The following PPP2R2B variants were observed in gnomAD, a reference collection of about 807,000 sequenced individuals.
PPP2R2B encodes serine/threonine-protein phosphatase 2A 55 kDa regulatory subunit B beta isoform.
In PPP2R2B, 5 loss-of-function variants were observed where a neutral mutation model predicts 46.0. The ratio of observed to expected loss-of-function variants is 0.11; its 90% CI spans 0.06 to 0.23. The LOEUF is 0.23. Ranked by LOEUF, PPP2R2B falls within the 10% of genes least tolerant of loss-of-function variation. PPP2R2B has a pLI of 1.00. For synonymous variants in PPP2R2B, 215 were observed against 206.7 expected, an observed-to-expected ratio of 1.04 and a Z score of -0.34; for missense variants, 367 against 575.0, an observed-to-expected ratio of 0.64 and a Z score of 3.70.
At position 146,673,892 on chromosome 5, in the gene PPP2R2B, C is replaced by G. The variant is rs116403349; in HGVS notation, c.447+17236G>C. On this transcript the variant is annotated intron_variant, in intron 5 of 9. Coordinates refer to ENST00000394411, the MANE Select transcript of PPP2R2B (RefSeq NM_181675.4). ...TTCATCATCATCTTATCTGCACTTG[C>G]AGTTTCCCATTCTCAGGGGAATTTT... Among the ~76,000 whole-genome samples, 652 of 152,258 alleles carry G rather than the reference C, an allele frequency of 4.3e-3. 6 individuals carry two copies. The highest frequency in any genetic ancestry group is 0.015 in the African/African-American group (631 of 41,520).
chr5:147,055,460 A>T (rs186208224), intron 1 of PPP2R2B, among the ~76,000 whole-genome samples: 1 of 152,366 alleles, frequency 6.6e-6, no homozygotes, highest in Admixed American at 6.5e-5. Flanking sequence ...CTGCAACATT[A>T]TTCTGTTCTT....
intron 1 of PPP2R2B, among the ~76,000 whole-genome samples, chr5:146,968,846 T>C (rs1272248766): frequency 1.3e-5 from 2 of 152,234 alleles, no homozygotes; most frequent in East Asian, 3.8e-4. Flanking sequence ...ATGTATATCA[T>C]CTCAAAAGTA....
chr5:147,035,615 G>C (rs1756001124), intron 1 of PPP2R2B, among the ~76,000 whole-genome samples: 1 of 152,078 alleles, frequency 6.6e-6, no homozygotes, highest in East Asian at 1.9e-4. Flanking sequence ...TATTTATTCT[G>C]TTATCCAAGA....
chr5:147,030,273 C>A (rs1296353298), intron 1 of PPP2R2B, among the ~76,000 whole-genome samples: 1 of 152,120 alleles, frequency 6.6e-6, no homozygotes, highest in Non-Finnish European at 1.5e-5. Context: ...CCCCCCAAAT[C>A]ATTTTAAATG....
At chr5:146,597,993 T>TATCA (rs1561755357) in intron 8 of PPP2R2B, among the ~76,000 whole-genome samples, 1 of 152,236 alleles carries the variant, frequency 6.6e-6, no homozygotes, top group East Asian at 1.9e-4. Context: ...GGCTTATTCC[T>TATCA]ATCAGCAGAA....
At chr5:146,597,555 CT>C (rs1340275349) in intron 8 of PPP2R2B, among the ~76,000 whole-genome samples, 2 of 152,198 alleles carry the variant, frequency 1.3e-5, no homozygotes, top group Non-Finnish European at 2.9e-5. Flanking sequence ...AACTCCATCA[CT>C]GGTTAAATCT....
intron 7 of PPP2R2B, among the ~76,000 whole-genome samples, chr5:146,628,597 G>C (rs922040547): frequency 2.0e-5 from 3 of 152,182 alleles, no homozygotes; most frequent in African/African-American, 4.8e-5. Context: ...CAATAAGATG[G>C]AAGCTCGAGG....
At chr5:146,701,387 A>G (rs1385940390) in intron 2 of PPP2R2B, among the ~76,000 whole-genome samples, 1 of 152,204 alleles carries the variant, frequency 6.6e-6, no homozygotes, top group Non-Finnish European at 1.5e-5. Flanking sequence ...GGAAAAACAC[A>G]TTTATACCCT....
chr5:147,029,268 T>A (rs1755670001), intron 1 of PPP2R2B, among the ~76,000 whole-genome samples: 1 of 152,148 alleles, frequency 6.6e-6, no homozygotes. Flanking sequence ...GTCTAGAAAG[T>A]TTAGTGTTTT....
At position 146,590,145 on chromosome 5, in the gene PPP2R2B, C is replaced by G. The variant is rs762618595; in HGVS notation, c.1134G>C (p.Ser378=). The G allele has an allele frequency of 4.3e-6, 7 of 1,613,000 alleles. No homozygotes were observed. The highest frequency in any genetic ancestry group is 1.6e-4 in the Middle Eastern group (1 of 6,084). Residue 378 remains serine (S), a synonymous_variant, in exon 10 of 10, where the codon TCG becomes TCC. Transcript: ENST00000394411. ...TAGCCCGGGGCTTGCTGTTTTCCCTCGAAGCCTCAAGGGTCACATCACGCT... is the reference window on the plus strand; with the variant it reads ...TAGCCCGGGGCTTGCTGTTTTCCCTGGAAGCCTCAAGGGTCACATCACGCT... The part of the protein sequence containing the change: ...NTKRDVTLEA[S]RENSKPRAIL...
intron 2 of PPP2R2B, among the ~76,000 whole-genome samples, chr5:146,758,083 A>C (rs1753947001): frequency 6.6e-6 from 1 of 152,220 alleles, no homozygotes; most frequent in African/African-American, 2.4e-5. Context: ...TGCTCACATT[A>C]TGGTTCTGTT....
chr5:146,640,923 G>A (rs1775166615), intron 6 of PPP2R2B, among the ~76,000 whole-genome samples: 1 of 152,032 alleles, frequency 6.6e-6, no homozygotes, highest in Non-Finnish European at 1.5e-5. Context: ...CCACCACCCA[G>A]CCCTCATCCC....
At chr5:146,947,823 A>T (rs1764530918) in intron 1 of PPP2R2B, among the ~76,000 whole-genome samples, 1 of 151,720 alleles carries the variant, frequency 6.6e-6, no homozygotes, top group Admixed American at 6.6e-5. Context: ...TGTTCTCATG[A>T]GTCCATGCTT....
chr5:147,060,258 A>G (rs989619167), upstream of PPP2R2B, among the ~76,000 whole-genome samples: 2 of 152,162 alleles, frequency 1.3e-5, no homozygotes, highest in African/African-American at 4.8e-5. Context: ...ATTATTGAGC[A>G]TATTTATTGA....
chr5:146,794,958 C>A (rs1391578282), intron 2 of PPP2R2B, among the ~76,000 whole-genome samples: 1 of 152,068 alleles, frequency 6.6e-6, no homozygotes, highest in Non-Finnish European at 1.5e-5. Context: ...CTTCCTCCTG[C>A]CCCCTATTTT....
At chr5:146,789,615 C>T (rs577150140) in intron 2 of PPP2R2B, among the ~76,000 whole-genome samples, 6 of 152,116 alleles carry the variant, frequency 3.9e-5, no homozygotes, top group Admixed American at 6.5e-5. Context: ...GAGACAGTCA[C>T]GGGCATGGTC....
chr5:146,913,552 G>T (rs1013673345), intron 1 of PPP2R2B, among the ~76,000 whole-genome samples: 1 of 149,388 alleles, frequency 6.7e-6, no homozygotes, highest in Non-Finnish European at 1.5e-5. Flanking sequence ...CATTTTCAAT[G>T]TTTTTTTTTT....
intron 5 of PPP2R2B, among the ~76,000 whole-genome samples, chr5:146,684,898 C>T (rs901398602): frequency 6.6e-6 from 1 of 152,084 alleles, no homozygotes; most frequent in Admixed American, 6.6e-5. Flanking sequence ...AGTGACGAGG[C>T]CAGAAATTAT....
At position 146,849,929 on chromosome 5, in the gene PPP2R2B, T is replaced by C. The variant is rs374047241; in HGVS notation, c.70+28073A>G. Among the ~76,000 whole-genome samples the C allele has an allele frequency of 1.7e-3, 263 of 152,232 alleles. 3 individuals are homozygous for C. The South Asian group carries it at 0.035, about 20-fold the overall frequency. On this transcript the variant is annotated intron_variant, in intron 2 of 9. Transcript: ENST00000394411. ...GAGTCTAAGTGGAGGATCACTCCAA[T>C]AGCACAGCAGAAAAACCAATCTCAC...
Sources: allele counts gnomAD v4.1 joint callset (sites outside exome capture counted in the v4.1 genomes callset), GRCh38; gene constraint gnomAD v4.1.1; transcripts MANE v1.5; gene names NCBI Gene and HGNC (gene_info 2026-07-23, HGNC 2026-07-21).